Variants in GMEB2 observed in about 807,000 individuals in gnomAD.
The protein encoded by GMEB2 is glucocorticoid modulatory element-binding protein 2.
A neutral mutation model predicts 45.7 loss-of-function variants in GMEB2; 7 were observed. The ratio of observed to expected loss-of-function variants is 0.15; its 90% CI spans 0.09 to 0.29. GMEB2 has a LOEUF of 0.29. Among genes scored for constraint, GMEB2 ranks in the 10% least tolerant of loss-of-function variants. GMEB2 has a pLI of 1.00. For synonymous variants in GMEB2, 322 were observed against 323.6 expected (o/e 1.00, Z 0.05); for missense variants, 582 against 739.2 (o/e 0.79, Z 2.47).
Position 63,589,249 on chromosome 20 carries a change from G to T in GMEB2, c.*840C>A, listed in dbSNP as rs981774729. ...CAGGGACAGGCTGCCCAGGACCTCC[G>T]CACCCGGTCAAGTGCACTCACAGGG... On this transcript the variant is annotated 3_prime_UTR_variant, in exon 10 of 10. Transcript: ENST00000370077. 2.5e-6 allele frequency: 1 copy of T among 398,872 alleles called. No homozygotes were observed. The highest frequency in any genetic ancestry group is 3.5e-5 in the East Asian group (1 of 28,224). The allele number at this position is 398,872 out of a possible 1,614,324, so 24.7% of individuals were successfully genotyped here. A position where few individuals can be genotyped will look rare whatever the true frequency, so the allele number is the denominator to read the frequency against.
chr20:63,602,416 G>A (rs1310665968), intron 4 of GMEB2, among the ~76,000 whole-genome samples: 1 of 152,188 alleles, frequency 6.6e-6, no homozygotes, highest in Non-Finnish European at 1.5e-5. Flanking sequence ...GCCCTGCAAG[G>A]CTGGGAAAAC....
Position 63,597,807 on chromosome 20 carries a change from G to A in GMEB2, c.411C>T (p.Ser137=), listed in dbSNP as rs1250293803. The part of the protein sequence containing the change: ...PKEFVHLAGK[S]TLKDWKRAIR... Reference sequence around the variant, plus strand: ...TGGCTCTCTTCCAGTCCTTCAGGGTGGACTTCCCGGCCAGGTGCACAAATT... The same window carrying A: ...TGGCTCTCTTCCAGTCCTTCAGGGTAGACTTCCCGGCCAGGTGCACAAATT... Residue 137 remains serine (S), a synonymous_variant, in exon 5 of 10, where the codon TCC becomes TCT. Transcript: ENST00000370077. The A allele has an allele frequency of 3.7e-6, 6 of 1,611,684 alleles. No individual in the cohort carries two copies. The highest frequency in any genetic ancestry group is 1.7e-4 in the Middle Eastern group (1 of 6,058).
At position 63,587,876 on chromosome 20, in the gene GMEB2, C is replaced by T. The variant is rs1419827386; in HGVS notation, c.*2213G>A. The T allele has an allele frequency of 6.6e-6, 1 of 152,400 alleles. No homozygotes were observed. Among genetic ancestry groups the T allele is most frequent in the Non-Finnish European group, 1.5e-5 (1 of 68,108 alleles). 9.4% of individuals were successfully genotyped at this position (152,400 alleles called of 1,614,324 possible). On this transcript the variant is annotated 3_prime_UTR_variant, in exon 10 of 10. Coordinates refer to ENST00000370077, the MANE Select transcript of GMEB2 (RefSeq NM_012384.5). ...CGCAGAACTGGGAGGTCCAGGGAAC[C>T]CTGCCCCCGAGGAGCCAGCAGGACC...
At chr20:63,599,951 G>A (rs1355961137) in intron 4 of GMEB2, among the ~76,000 whole-genome samples, 1 of 152,056 alleles carries the variant, frequency 6.6e-6, no homozygotes, top group Non-Finnish European at 1.5e-5. Flanking sequence ...AGAACAACTC[G>A]CATCAGGAAA....
chr20:63,590,037 G>A lies in GMEB2; in HGVS notation c.*52C>T, dbSNP rs1247305738. The A allele has an allele frequency of 2.1e-5, 31 of 1,455,870 alleles. No homozygotes were observed. Among genetic ancestry groups the A allele is most frequent in the South Asian group, 1.4e-4 (10 of 69,866 alleles). The allele number at this position is 1,455,870 out of a possible 1,614,324, so 90.2% of individuals were successfully genotyped here. ...GCCTCTGCCCGCTCCCTGCTGCCGC[G>A]GCTGAGAGACAGCCAGCCCTGTCCG... is the stretch of plus-strand genomic sequence containing the variant. On this transcript the variant is annotated 3_prime_UTR_variant, in exon 10 of 10. Coordinates refer to ENST00000370077, the MANE Select transcript of GMEB2 (RefSeq NM_012384.5).
intron 9 of GMEB2, among the ~76,000 whole-genome samples, chr20:63,591,275 C>G (rs2083145014): frequency 1.3e-5 from 2 of 152,080 alleles, no homozygotes; most frequent in Non-Finnish European, 1.5e-5. Flanking sequence ...TACACACACA[C>G]TGAACACAGT....
Position 63,590,101 on chromosome 20 carries a change from G to C in GMEB2, c.1581C>G (p.His527Gln). Residue 527 changes from histidine to glutamine, a missense_variant, in exon 10 of 10, where the codon CAC (histidine) becomes CAG (glutamine). By Grantham distance (24) the His-to-Gln change is conservative. This residue lies in a region of GMEB2 where 462 missense variants were observed against 586.7 expected (regional missense o/e 0.79). Transcript: ENST00000370077. ...GCCCTCCTGTCGGCTACTTCCGCTCGTGGTCCTCTGCCATGGCAGCCACCT... is the reference window on the plus strand; with the variant it reads ...GCCCTCCTGTCGGCTACTTCCGCTCCTGGTCCTCTGCCATGGCAGCCACCT... ...TIEVAAMAED[H>Q]ERK 6.6e-7 allele frequency: 1 copy of C among 1,509,620 alleles called. No homozygotes were observed. The highest frequency in any genetic ancestry group is 8.9e-7 in the Non-Finnish European group (1 of 1,129,232). 93.5% of individuals were successfully genotyped at this position (1,509,620 alleles called of 1,614,324 possible).
At position 63,590,727 on chromosome 20, in the gene GMEB2, G is replaced by A; in HGVS notation, c.955C>T (p.Leu319=). 6.7e-7 allele frequency: 1 copy of A among 1,501,064 alleles called. No individual in the cohort carries two copies. Among genetic ancestry groups the A allele is most frequent in the South Asian group, 1.3e-5 (1 of 74,312 alleles). The allele number at this position is 1,501,064 out of a possible 1,614,324, so 93.0% of individuals were successfully genotyped here. A position where few individuals can be genotyped will look rare whatever the true frequency, so the allele number is the denominator to read the frequency against. ...CGATGCTCATCACACTGCTGCTCCA[G>A]GGCTGCAGGGAGGTACAGATGGCAT... ...REQYARDLAA[L]EQQCDEHRRR... The change falls in exon 10 of 10, where the codon CTG becomes TTG. Residue 319 remains leucine (L), a splice_region_variant and synonymous_variant. Transcript: ENST00000370077.
At chr20:63,608,909 C>T (rs2089543173) in intron 2 of GMEB2, among the ~76,000 whole-genome samples, 1 of 35,744 alleles carries the variant, frequency 2.8e-5, no homozygotes, top group African/African-American at 6.5e-5. Flanking sequence ...ACCTCACCTC[C>T]ATTTCTAGAA....
intron 2 of GMEB2, among the ~76,000 whole-genome samples, chr20:63,612,042 C>T (rs1175263940): frequency 2.6e-5 from 4 of 152,136 alleles, no homozygotes; most frequent in East Asian, 3.8e-4. Context: ...TGCAACAGAA[C>T]GAGACTCTGT....
chr20:63,622,244 A>T (rs2089646144), intron 1 of GMEB2, among the ~76,000 whole-genome samples: 1 of 152,236 alleles, frequency 6.6e-6, no homozygotes, highest in South Asian at 2.1e-4. Flanking sequence ...GTAACAAACA[A>T]GTGTGTCTAA....
rs552647764 is a variant in GMEB2, at chr20:63,619,063, G to A, written c.131+204C>T. ...CCATGCAGGTACGGGAGGCCTCCCC[G>A]CAGCTGCAGCTGGGTCTTCTGGTCC... On this transcript the variant is annotated intron_variant, in intron 2 of 9. Coordinates refer to ENST00000370077, the MANE Select transcript of GMEB2 (RefSeq NM_012384.5). The surrounding 1 kb of genome is among the most constrained non-coding windows in gnomAD (Gnocchi z 4.6). Among the ~76,000 whole-genome samples the A allele has an allele frequency of 4.3e-4, 66 of 152,268 alleles. No individual in the cohort carries two copies. Among genetic ancestry groups the A allele is most frequent in the African/African-American group, 1.5e-3 (61 of 41,538 alleles).
At chr20:63,625,784 G>C (rs1235699890) in intron 1 of GMEB2, among the ~76,000 whole-genome samples, 1 of 151,892 alleles carries the variant, frequency 6.6e-6, no homozygotes, top group East Asian at 1.9e-4. Context: ...TTTTAGTAGA[G>C]ACAGGGTTTC....
rs768341716 is a variant in GMEB2, at chr20:63,590,248, G to T, written c.1434C>A (p.Leu478=). The change falls in exon 10 of 10, where the codon CTC becomes CTA. Residue 478 remains leucine (L), a synonymous_variant. Transcript: ENST00000370077. ...VFKVVSPLQL[L]TLPGLGPTLQ... is the part of the protein sequence containing the mutation. ...GGGTGGGGCCCAGGCCAGGCAACGT[G>T]AGCAGCTGTAGCGGGCTGACCACCT... is the stretch of plus-strand genomic sequence containing the variant. 3.1e-6 allele frequency: 5 copies of T among 1,612,394 alleles called. No individual in the cohort carries two copies. In the Admixed American group the frequency reaches 8.3e-5, roughly 27 times the overall value.
chr20:63,600,717 CAAA>C (rs34633546), intron 4 of GMEB2, among the ~76,000 whole-genome samples: 5 of 84,636 alleles, frequency 5.9e-5, no homozygotes, highest in Admixed American at 1.4e-4. Flanking sequence ...GACTCCATCT[CAAA>C]AAAAAAAAAA....
At chr20:63,621,426 AG>A (rs199892647) in intron 1 of GMEB2, among the ~76,000 whole-genome samples, 2,574 of 152,294 alleles carry the variant, frequency 0.017, 67 homozygotes, top group African/African-American at 0.057. Flanking sequence ...CTGTAATCCC[AG>A]CACTTTGGGA....
rs2083171272 is a variant in GMEB2, at chr20:63,593,721, G to C, written c.620-639C>G. Among the ~76,000 whole-genome samples, 1 of 152,074 alleles carries C rather than the reference G, an allele frequency of 6.6e-6. No homozygotes were observed. The highest frequency in any genetic ancestry group is 6.6e-5 in the Admixed American group (1 of 15,254). ...GATAGAGACTTTATACACAGATCTG[G>C]CTTAAAAAACAAACCCGGGGCCGGA... On this transcript the variant is annotated intron_variant, in intron 6 of 9. Transcript: ENST00000370077. The surrounding 1 kb of genome is among the most constrained non-coding windows in gnomAD (Gnocchi z 4.7).
chr20:63,604,675 T>G, intron 3 of GMEB2, 68 bp downstream of exon 3: 1 of 869,720 alleles, frequency 1.1e-6, no homozygotes, highest in South Asian at 1.3e-5. Context: ...TTCCTCATTT[T>G]GAGTGCAGGA....
chr20:63,595,839 C>G, intron 5 of GMEB2, 72 bp from the exon 6 acceptor site: 1 of 1,411,254 alleles, frequency 7.1e-7, no homozygotes, highest in Non-Finnish European at 1.0e-6. Flanking sequence ...CCCACCCTGA[C>G]CTGGGCCATC....
Sources: allele counts gnomAD v4.1 joint callset (sites outside exome capture counted in the v4.1 genomes callset), GRCh38; gene constraint gnomAD v4.1.1; regional missense constraint gnomAD v4.1.1; non-coding constraint Gnocchi (gnomAD v3.1); transcripts MANE v1.5; gene names NCBI Gene and HGNC (gene_info 2026-07-23, HGNC 2026-07-21).